The following MARCHF1 variants were observed in gnomAD, a reference collection of about 807,000 sequenced individuals.
MARCHF1 encodes membrane associated ring-CH-type finger 1.
A neutral mutation model predicts 54.2 loss-of-function variants in MARCHF1; 40 were observed. The ratio of observed to expected loss-of-function variants is 0.74; its 90% CI spans 0.57 to 0.96. MARCHF1 has a LOEUF of 0.96. Among genes scored for constraint, MARCHF1 ranks in the 40% least tolerant of loss-of-function variants. The probability of loss-of-function intolerance (pLI) is 0.00; values close to 1 mark genes in which losing one functional copy is unlikely to be tolerated. For synonymous variants in MARCHF1, 236 were observed against 236.3 expected, an observed-to-expected ratio of 1.00 and a Z score of 0.01; for missense variants, 586 against 656.5, an observed-to-expected ratio of 0.89 and a Z score of 1.17.
chr4:164,007,376 GA>G (rs1185305487), intron 2 of MARCHF1, among the ~76,000 whole-genome samples: 95 of 114,748 alleles, frequency 8.3e-4, no homozygotes, highest in African/African-American at 1.9e-3. Context: ...AAAAAAGAAA[GA>G]AAAAAAAAGC....
chr4:163,989,257 A>G (rs1313788321), intron 2 of MARCHF1, among the ~76,000 whole-genome samples: 1 of 151,430 alleles, frequency 6.6e-6, no homozygotes, highest in Admixed American at 6.6e-5. Context: ...CCTGAAGTGA[A>G]GAGCATCGCA....
chr4:164,316,447 A>G (rs920641251), intron 1 of MARCHF1, among the ~76,000 whole-genome samples: 1 of 152,170 alleles, frequency 6.6e-6, no homozygotes, highest in Non-Finnish European at 1.5e-5. Flanking sequence ...GGTAGAAAGG[A>G]AAGTTTTGTT....
chr4:163,696,883 A>C (rs1179136646), intron 5 of MARCHF1, among the ~76,000 whole-genome samples: 3 of 152,048 alleles, frequency 2.0e-5, no homozygotes, highest in Non-Finnish European at 4.4e-5. Flanking sequence ...CTTCTTTTTT[A>C]GGTAGCATAT....
chr4:163,611,041 GC>G (rs753982183), intron 7 of MARCHF1, among the ~76,000 whole-genome samples: 37 of 151,972 alleles, frequency 2.4e-4, no homozygotes, highest in Non-Finnish European at 4.7e-4. Context: ...AATAGGTGAA[GC>G]TTCCTTGCCA....
intron 1 of MARCHF1, among the ~76,000 whole-genome samples, chr4:164,195,973 A>G (rs925700271): frequency 1.3e-5 from 2 of 152,202 alleles, no homozygotes; most frequent in Non-Finnish European, 2.9e-5. Context: ...TTAATGCAGA[A>G]AAATCAACAT....
intron 4 of MARCHF1, among the ~76,000 whole-genome samples, chr4:163,765,454 A>G (rs1746946787): frequency 1.3e-5 from 2 of 152,132 alleles, no homozygotes; most frequent in Admixed American, 6.5e-5. Context: ...TACTCTTATC[A>G]TTACACTAAT....
chr4:164,299,044 C>T (rs556363366), intron 1 of MARCHF1, among the ~76,000 whole-genome samples: 1 of 152,100 alleles, frequency 6.6e-6, no homozygotes, highest in African/African-American at 2.4e-5. Context: ...TTAAAGTATG[C>T]AGTCATACTA....
chr4:163,933,196 C>T (rs1579403204), intron 3 of MARCHF1: 2 of 737,898 alleles, frequency 2.7e-6, no homozygotes, highest in Non-Finnish European at 4.7e-6. Flanking sequence ...CAACCTAACA[C>T]TATGGACCTC....
intron 2 of MARCHF1, among the ~76,000 whole-genome samples, chr4:164,068,470 C>T (rs977662934): frequency 9.2e-5 from 14 of 152,140 alleles, no homozygotes; most frequent in Non-Finnish European, 1.6e-4. Context: ...GGCATGGGCT[C>T]GGCAGGCCCC....
chr4:164,368,824 G>A (rs2110949452), intron 1 of MARCHF1, among the ~76,000 whole-genome samples: 1 of 152,280 alleles, frequency 6.6e-6, no homozygotes, highest in South Asian at 2.1e-4. Flanking sequence ...AATATTAGAA[G>A]TTGTTTACTT....
intron 7 of MARCHF1, 82 bp from the exon 8 acceptor site, chr4:163,586,011 G>A (rs966606126): frequency 1.6e-6 from 2 of 1,274,120 alleles, no homozygotes; most frequent in African/African-American, 1.5e-5. Flanking sequence ...GCTTATACTA[G>A]GGCTATTATA....
chr4:164,262,243 T>A (rs1265078763), intron 1 of MARCHF1, among the ~76,000 whole-genome samples: 2 of 152,196 alleles, frequency 1.3e-5, no homozygotes, highest in African/African-American at 4.8e-5. Context: ...AATGCATGAC[T>A]ATGTGCAGAC....
intron 4 of MARCHF1, among the ~76,000 whole-genome samples, chr4:163,731,535 C>T (rs73868679): frequency 0.016 from 2,460 of 152,312 alleles, 68 homozygotes; most frequent in African/African-American, 0.056. Flanking sequence ...CAAGTTCCCT[C>T]AGCTGAGAAG....
At position 164,217,407 on chromosome 4, in the gene MARCHF1, A is replaced by G. The variant is rs148503110; in HGVS notation, c.-322-105745T>C. 9.2e-5 allele frequency among the ~76,000 whole-genome samples: 14 copies of G among 151,712 alleles called. No individual in the cohort carries two copies. The East Asian group carries it at 2.7e-3, about 29-fold the overall frequency. Reference sequence around the variant, plus strand: ...CAAAGAAAACAAAATGATTCTGTGTATTCATTCATTCATTCATTCATCAAA... The same window carrying G: ...CAAAGAAAACAAAATGATTCTGTGTGTTCATTCATTCATTCATTCATCAAA... On this transcript the variant is annotated intron_variant, in intron 1 of 9. Transcript: ENST00000514618.
chr4:163,617,785 C>T (rs779264386), intron 5 of MARCHF1, among the ~76,000 whole-genome samples: 5 of 152,024 alleles, frequency 3.3e-5, no homozygotes, highest in Non-Finnish European at 5.9e-5. Flanking sequence ...TAATGCAGCC[C>T]AAGTGTCCTC....
chr4:164,105,653 A>G (rs1408141692), intron 2 of MARCHF1, among the ~76,000 whole-genome samples: 1 of 90,862 alleles, frequency 1.1e-5, no homozygotes, highest in African/African-American at 4.8e-5. Flanking sequence ...ACCTAAAACC[A>G]TAAAAACCGT....
chr4:164,100,438 C>A (rs1461175005), intron 2 of MARCHF1, among the ~76,000 whole-genome samples: 1 of 152,184 alleles, frequency 6.6e-6, no homozygotes, highest in African/African-American at 2.4e-5. Flanking sequence ...TCCTTCCTGA[C>A]AAAAACAAAT....
At chr4:164,274,453 A>G (rs960313059) in intron 1 of MARCHF1, among the ~76,000 whole-genome samples, 19 of 152,214 alleles carry the variant, frequency 1.2e-4, no homozygotes, top group African/African-American at 4.6e-4. Flanking sequence ...AGAGGAATTC[A>G]TATGGATTAG....
chr4:163,563,471 G>A (rs1328821219), intron 8 of MARCHF1, among the ~76,000 whole-genome samples: 1 of 152,148 alleles, frequency 6.6e-6, no homozygotes, highest in Non-Finnish European at 1.5e-5. Flanking sequence ...TTCAAAACCA[G>A]TTTCAACTAC....
Sources: allele counts gnomAD v4.1 joint callset (sites outside exome capture counted in the v4.1 genomes callset), GRCh38; gene constraint gnomAD v4.1.1; transcripts MANE v1.5; gene names NCBI Gene and HGNC (gene_info 2026-07-23, HGNC 2026-07-21).